IL1R1: variants seen among roughly 807,000 people sequenced by gnomAD.
IL1R1 encodes interleukin 1 receptor type 1.
A neutral mutation model predicts 50.2 loss-of-function variants in IL1R1; 22 were observed. The ratio of observed to expected loss-of-function variants is 0.44; its 90% CI spans 0.31 to 0.63. The LOEUF is 0.63. Among genes scored for constraint, IL1R1 ranks in the 20% least tolerant of loss-of-function variants. The pLI is 0.07. For synonymous variants in IL1R1, 251 were observed against 236.7 expected (o/e 1.06, Z -0.55); for missense variants, 509 against 676.2 (o/e 0.75, Z 2.74).
chr2:102,090,967 T>C (rs1679641804), intron 1 of IL1R1, among the ~76,000 whole-genome samples: 4 of 152,106 alleles, frequency 2.6e-5, no homozygotes, highest in Admixed American at 1.3e-4. Flanking sequence ...CAATGAGGTA[T>C]TGGTAAACTC....
intron 3 of IL1R1, among the ~76,000 whole-genome samples, chr2:102,162,331 C>G (rs1350701355): frequency 1.3e-5 from 2 of 152,038 alleles, no homozygotes; most frequent in South Asian, 2.1e-4. Context: ...CATAGTTGGG[C>G]CTTTCTTTAG....
At chr2:102,147,284 T>C (rs1683224037) in intron 1 of IL1R1, among the ~76,000 whole-genome samples, 1 of 152,156 alleles carries the variant, frequency 6.6e-6, no homozygotes, top group Non-Finnish European at 1.5e-5. Flanking sequence ...AAAAAAATTA[T>C]AGAAGTGAAA....
intron 7 of IL1R1, among the ~76,000 whole-genome samples, chr2:102,169,129 C>T (rs371695517): frequency 9.2e-5 from 14 of 152,262 alleles, no homozygotes; most frequent in East Asian, 1.9e-4. Context: ...GATCATTGTA[C>T]GACAGACATC....
upstream of IL1R1, among the ~76,000 whole-genome samples, chr2:102,100,961 A>G (rs1680115457): frequency 6.6e-6 from 1 of 152,168 alleles, no homozygotes; most frequent in Non-Finnish European, 1.5e-5. Flanking sequence ...CTGACCACAA[A>G]GGTTACCAGT....
intron 1 of IL1R1, among the ~76,000 whole-genome samples, chr2:102,146,217 T>C (rs969540201): frequency 3.3e-5 from 5 of 152,056 alleles, no homozygotes; most frequent in Admixed American, 2.0e-4. Context: ...CAATGACTAA[T>C]GACTAAGAGT....
In IL1R1 at chr2:102,177,534, T is replaced by C. The variant is rs1020180587; in HGVS notation, c.*775T>C. 3 of 152,730 alleles carry C rather than the reference T, an allele frequency of 2.0e-5. No individual in the cohort carries two copies. Among genetic ancestry groups the C allele is most frequent in the Non-Finnish European group, 4.4e-5 (3 of 68,052 alleles). The allele number at this position is 152,730 out of a possible 1,614,324, so 9.5% of individuals were successfully genotyped here. A position where few individuals can be genotyped will look rare whatever the true frequency, so the allele number is the denominator to read the frequency against. On this transcript the variant is annotated 3_prime_UTR_variant, in exon 12 of 12. Coordinates refer to ENST00000410023, the MANE Select transcript of IL1R1 (RefSeq NM_000877.4). The stretch of plus-strand genomic sequence containing the variant: ...AGACATATTCTTGGAGAACTTTCCA[T>C]CTGCTTGTATTTTCCATACACATCC...
chr2:102,074,052 G>A (rs1339340563), intron 1 of IL1R1, among the ~76,000 whole-genome samples: 1 of 152,170 alleles, frequency 6.6e-6, no homozygotes, highest in Non-Finnish European at 1.5e-5. Context: ...TGTGAGTGAT[G>A]AGCAGCACGT....
intron 1 of IL1R1, among the ~76,000 whole-genome samples, chr2:102,079,105 G>A (rs1274538023): frequency 1.3e-5 from 2 of 152,048 alleles, no homozygotes; most frequent in African/African-American, 4.8e-5. Flanking sequence ...AGTAGTAATA[G>A]AAGAGGACTT....
At chr2:102,109,791 C>A (rs1680640257) in intron 1 of IL1R1, among the ~76,000 whole-genome samples, 1 of 152,148 alleles carries the variant, frequency 6.6e-6, no homozygotes, top group South Asian at 2.1e-4. Flanking sequence ...TATTTCCTCT[C>A]TATTGACCCC....
intron 3 of IL1R1, among the ~76,000 whole-genome samples, chr2:102,163,721 T>G (rs1684926288): frequency 6.6e-6 from 1 of 152,208 alleles, no homozygotes; most frequent in Non-Finnish European, 1.5e-5. Context: ...TTTTTCCTCC[T>G]TATCGTTGGT....
At chr2:102,085,422 C>A (rs530828491) in intron 1 of IL1R1, among the ~76,000 whole-genome samples, 1 of 152,258 alleles carries the variant, frequency 6.6e-6, no homozygotes, top group African/African-American at 2.4e-5. Context: ...GTTCAATTTT[C>A]ATTTCTCCAT....
chr2:102,125,587 C>A (rs1394658372), intron 1 of IL1R1, among the ~76,000 whole-genome samples: 1 of 152,174 alleles, frequency 6.6e-6, no homozygotes, highest in Non-Finnish European at 1.5e-5. Flanking sequence ...GAGAAAGAAA[C>A]ACAGAAAGTT....
chr2:102,102,691 A>G (rs74562067), upstream of IL1R1, among the ~76,000 whole-genome samples: 43 of 40,988 alleles, frequency 1.0e-3, 1 homozygote, highest in East Asian at 0.087. Flanking sequence ...TCATTCTACC[A>G]TAAGACATGA....
At chr2:102,154,325 C>T (rs1683967913) in intron 2 of IL1R1, among the ~76,000 whole-genome samples, 1 of 152,160 alleles carries the variant, frequency 6.6e-6, no homozygotes, top group African/African-American at 2.4e-5. Context: ...CAACCCCTTC[C>T]AGGCCTTGCT....
intron 1 of IL1R1, among the ~76,000 whole-genome samples, chr2:102,126,346 AAATAAC>A: frequency 6.6e-6 from 1 of 152,216 alleles, no homozygotes; most frequent in Non-Finnish European, 1.5e-5. Context: ...CTGGAGAGCC[AAATAAC>A]ATGAGTGGCA....
chr2:102,115,142 GC>G (rs1411948168), intron 1 of IL1R1, among the ~76,000 whole-genome samples: 3 of 152,304 alleles, frequency 2.0e-5, no homozygotes, highest in Non-Finnish European at 4.4e-5. Flanking sequence ...GGGAATGCAT[GC>G]AGCCTGGCTT....
At chr2:102,110,763 C>A (rs1413130200) in intron 1 of IL1R1, among the ~76,000 whole-genome samples, 1 of 151,946 alleles carries the variant, frequency 6.6e-6, no homozygotes, top group Non-Finnish European at 1.5e-5. Flanking sequence ...TGAGGCCTTG[C>A]TGTGTGTCCA....
Position 102,174,699 on chromosome 2 carries a change from G to T in IL1R1, c.1104G>T (p.Arg368Ser). 6.2e-7 allele frequency: 1 copy of T among 1,609,558 alleles called. No individual in the cohort carries two copies. The highest frequency in any genetic ancestry group is 2.2e-5 in the East Asian group (1 of 44,682). ...IFKIDIVLWY[R>S]DSCYDFLPIK... ...AGATTGACATTGTGCTTTGGTACAG[G>T]GATTCCTGCTATGATTTTCTCCCAA... The change falls in exon 10 of 12, where the codon AGG becomes AGT. Residue 368 changes from arginine (R) to serine (S), a missense_variant. Coordinates refer to ENST00000410023, the MANE Select transcript of IL1R1 (RefSeq NM_000877.4).
At chr2:102,122,391 G>A (rs1045588979) in intron 1 of IL1R1, among the ~76,000 whole-genome samples, 1 of 152,150 alleles carries the variant, frequency 6.6e-6, no homozygotes, top group Non-Finnish European at 1.5e-5. Context: ...AGTTTTCTGT[G>A]TCAGTTCTCT....
Sources: gnomAD v4.1 joint callset for allele counts (sites outside exome capture counted in the v4.1 genomes callset) on GRCh38, gnomAD v4.1.1 for gene constraint, MANE v1.5 for transcripts, NCBI Gene and HGNC (gene_info 2026-07-23, HGNC 2026-07-21) for gene names.